Variants in ZMAT4 observed in about 807,000 individuals in gnomAD.
ZMAT4 encodes zinc finger matrin-type 4, also known as zinc finger matrin-type protein 4.
In ZMAT4, 17 loss-of-function variants were observed where a neutral mutation model predicts 28.7. That is an observed-to-expected ratio of 0.59 (90% CI 0.41 to 0.89). The LOEUF (loss-of-function observed/expected upper bound fraction) is 0.89, where lower values mean the gene tolerates loss of function less well. Among genes scored for constraint, ZMAT4 ranks in the 40% least tolerant of loss-of-function variants. ZMAT4 has a pLI of 0.00. For missense variants in ZMAT4, 240 were observed against 283.8 expected (o/e 0.85, Z 1.11); for synonymous variants, 117 against 109.2 (o/e 1.07, Z -0.44).
chr8:40,719,260 A>C (rs1810978797), intron 3 of ZMAT4, among the ~76,000 whole-genome samples: 1 of 152,010 alleles, frequency 6.6e-6, no homozygotes. Flanking sequence ...CCAACATAGT[A>C]AAACCCTGTC....
At chr8:40,699,833 C>T (rs1258663968) in intron 3 of ZMAT4, among the ~76,000 whole-genome samples, 1 of 152,222 alleles carries the variant, frequency 6.6e-6, no homozygotes, top group Non-Finnish European at 1.5e-5. Flanking sequence ...TGTATCTGTT[C>T]ATCTGTGCAT....
chr8:40,796,663 C>T (rs957719102), intron 2 of ZMAT4, among the ~76,000 whole-genome samples: 1 of 152,216 alleles, frequency 6.6e-6, no homozygotes, highest in Non-Finnish European at 1.5e-5. Flanking sequence ...GGCTCCGCCC[C>T]GCACAGCTGC....
intron 1 of ZMAT4, among the ~76,000 whole-genome samples, chr8:40,873,366 G>A (rs928257245): frequency 5.9e-5 from 9 of 152,190 alleles, no homozygotes; most frequent in Admixed American, 5.9e-4. Context: ...ACCGAAAGCT[G>A]TTGCCATGAC....
chr8:40,819,436 T>A (rs753690543), intron 2 of ZMAT4, among the ~76,000 whole-genome samples: 4 of 152,100 alleles, frequency 2.6e-5, no homozygotes, highest in Non-Finnish European at 5.9e-5. Flanking sequence ...TCATCAAAAT[T>A]GTCCCACCCC....
At chr8:40,806,472 A>G (rs1815088376) in intron 2 of ZMAT4, among the ~76,000 whole-genome samples, 1 of 152,182 alleles carries the variant, frequency 6.6e-6, no homozygotes, top group Non-Finnish European at 1.5e-5. Context: ...TCATTCTCAG[A>G]CATGTGCTGC....
chr8:40,762,957 C>T (rs1447921884), intron 3 of ZMAT4, among the ~76,000 whole-genome samples: 1 of 152,216 alleles, frequency 6.6e-6, no homozygotes, highest in Non-Finnish European at 1.5e-5. Context: ...TCCCTGAAGA[C>T]ATTACCAATG....
At chr8:40,680,415 A>G (rs907272544) in intron 4 of ZMAT4, among the ~76,000 whole-genome samples, 1 of 152,124 alleles carries the variant, frequency 6.6e-6, no homozygotes, top group Non-Finnish European at 1.5e-5. Context: ...TGGATTTAAC[A>G]TCATCCTGGG....
chr8:40,749,118 T>A (rs1341514901), intron 3 of ZMAT4, among the ~76,000 whole-genome samples: 1 of 152,172 alleles, frequency 6.6e-6, no homozygotes, highest in Non-Finnish European at 1.5e-5. Context: ...CCCAGCCATA[T>A]AGAACTGTGA....
At chr8:40,629,011 T>TC (rs1408919525) in intron 5 of ZMAT4, among the ~76,000 whole-genome samples, 3 of 151,302 alleles carry the variant, frequency 2.0e-5, no homozygotes, top group South Asian at 2.1e-4. Context: ...TCTTTTCTTT[T>TC]TTTTTTTTTA....
intron 6 of ZMAT4, 67 bp downstream of exon 6, chr8:40,581,098 A>G: frequency 7.8e-7 from 1 of 1,274,702 alleles, no homozygotes; most frequent in Non-Finnish European, 1.1e-6. Flanking sequence ...TGAAATGTTG[A>G]GCCTTTAGTC....
chr8:40,843,416 C>T (rs949377913), intron 1 of ZMAT4, among the ~76,000 whole-genome samples: 1 of 152,016 alleles, frequency 6.6e-6, no homozygotes, highest in African/African-American at 2.4e-5. Flanking sequence ...TCCTAGGTGG[C>T]GTTTGTATGT....
chr8:40,786,858 G>C (rs1047871768), intron 2 of ZMAT4: 31 of 578,374 alleles, frequency 5.4e-5, no homozygotes, highest in Non-Finnish European at 8.6e-5. Flanking sequence ...GCTGTTCTAG[G>C]CCCACAAAGA....
intron 5 of ZMAT4, among the ~76,000 whole-genome samples, chr8:40,659,386 G>T (rs745655462): frequency 1.3e-5 from 2 of 151,992 alleles, no homozygotes; most frequent in Non-Finnish European, 2.9e-5. Context: ...TTTTGCTTAG[G>T]GCCACAAGTC....
rs188005263 is a variant in ZMAT4 at position 40,838,159 on chromosome 8, T to C, written c.-4-12479A>G. Among the ~76,000 whole-genome samples, 30 of 152,320 alleles carry C rather than the reference T, an allele frequency of 2.0e-4. No homozygotes were observed. In the Middle Eastern group the frequency reaches 0.014, roughly 69 times the overall value. On this transcript the variant is annotated intron_variant, in intron 1 of 6. Coordinates refer to ENST00000297737, the MANE Select transcript of ZMAT4 (RefSeq NM_024645.3). The stretch of plus-strand genomic sequence containing the variant: ...CATCTCATCACTCCACCGCTTAATG[T>C]AGTTACACTGTCAAATTCTTCCCTC...
chr8:40,782,540 GA>G (rs1297553532), intron 2 of ZMAT4, among the ~76,000 whole-genome samples: 1 of 152,046 alleles, frequency 6.6e-6, no homozygotes, highest in Non-Finnish European at 1.5e-5. Context: ...ATTATAAAAA[GA>G]CAAATATCTC....
rs59660611 is a variant in ZMAT4, at chr8:40,782,269, C to T, written c.103-14539G>A. On this transcript the variant is annotated intron_variant, in intron 2 of 6. Coordinates refer to ENST00000297737, the MANE Select transcript of ZMAT4 (RefSeq NM_024645.3). ...GGCATGGTGGTGGGTGCCTGTAGTC[C>T]CAGCTGCTTGGAAGGCTGAGGCAGG... Among the ~76,000 whole-genome samples the T allele has an allele frequency of 0.015, 2,252 of 152,020 alleles. 131 individuals are homozygous for T. The East Asian group carries it at 0.21, about 14-fold the overall frequency.
At chr8:40,533,568 T>C (rs1435381857) in intron 6 of ZMAT4, among the ~76,000 whole-genome samples, 1 of 152,236 alleles carries the variant, frequency 6.6e-6, no homozygotes, top group Non-Finnish European at 1.5e-5. Flanking sequence ...AAGAAAATTC[T>C]ATCACTCACC....
chr8:40,788,463 T>C (rs908426758), intron 2 of ZMAT4, among the ~76,000 whole-genome samples: 4 of 152,120 alleles, frequency 2.6e-5, no homozygotes, highest in African/African-American at 2.4e-5. Flanking sequence ...CGGGTGCCTG[T>C]AGTCCCAGCT....
At chr8:40,841,731 C>T (rs1329175505) in intron 1 of ZMAT4, among the ~76,000 whole-genome samples, 2 of 152,208 alleles carry the variant, frequency 1.3e-5, no homozygotes, top group African/African-American at 4.8e-5. Flanking sequence ...TAATAATAAA[C>T]TGATAAAATA....
Sources: gnomAD v4.1 joint callset for allele counts (sites outside exome capture counted in the v4.1 genomes callset) on GRCh38, gnomAD v4.1.1 for gene constraint, MANE v1.5 for transcripts, NCBI Gene and HGNC (gene_info 2026-07-23, HGNC 2026-07-21) for gene names.